The following RSPH6A variants were observed in gnomAD, a reference collection of about 807,000 sequenced individuals.
The protein encoded by RSPH6A is radial spoke head protein 6 homolog A.
RSPH6A carries 49 observed loss-of-function variants against 66.1 expected under a neutral mutation model. The observed-to-expected ratio is 0.74, with a 90% CI of 0.59 to 0.94. The LOEUF (loss-of-function observed/expected upper bound fraction) is 0.94, where lower values mean the gene tolerates loss of function less well. Among genes scored for constraint, RSPH6A ranks in the 40% least tolerant of loss-of-function variants. RSPH6A has a pLI of 0.00. For missense variants in RSPH6A, 977 were observed against 948.3 expected (o/e 1.03, Z -0.40); for synonymous variants, 419 against 402.4 (o/e 1.04, Z -0.49).
chr19:45,809,698 A>C (rs564176246), intron 2 of RSPH6A, among the ~76,000 whole-genome samples: 1 of 152,314 alleles, frequency 6.6e-6, no homozygotes, highest in South Asian at 2.1e-4. Flanking sequence ...TAAACAGGAG[A>C]GTCCTAGAGC....
chr19:45,809,003 C>CTTTT (rs35881550), intron 2 of RSPH6A, among the ~76,000 whole-genome samples: 5 of 120,134 alleles, frequency 4.2e-5, no homozygotes, highest in African/African-American at 6.5e-5. Flanking sequence ...TTGTTTTTTG[C>CTTTT]TTTTTTTTTT....
In RSPH6A at chr19:45,814,594, G is replaced by A. The variant is rs202165658; in HGVS notation, c.583C>T (p.Leu195=). 1.3e-5 allele frequency: 20 copies of A among 1,561,698 alleles called. No homozygotes were observed. The highest frequency in any genetic ancestry group is 1.6e-5 in the Non-Finnish European group (19 of 1,156,392). ...YSAQVPEPEP[L]ELAVQNAKAY... is the part of the protein sequence containing the mutation. Reference sequence around the variant, plus strand: ...TTGGCGTTCTGCACGGCCAGCTCCAGAGGCTCGGGCTCAGGCACCTGGGCA... The same window carrying A: ...TTGGCGTTCTGCACGGCCAGCTCCAAAGGCTCGGGCTCAGGCACCTGGGCA... The change falls in exon 1 of 6, where the codon CTG becomes TTG. Residue 195 remains leucine, a synonymous_variant. Transcript: ENST00000221538.
intron 5 of RSPH6A, 118 bp downstream of exon 5, chr19:45,800,328 G>T: frequency 1.2e-6 from 1 of 831,092 alleles, no homozygotes; most frequent in Non-Finnish European, 1.9e-6. Context: ...TTAGTCCTTG[G>T]GGCTTCCTGA....
chr19:45,814,634 G>A lies in RSPH6A; in HGVS notation c.543C>T (p.Gly181=), dbSNP rs762938042. ...GCACCTGGGCACTGTAGTGTGGGAA[G>A]CCCAGCTCAGAGGGCAAGAACTGAA... ...PALQFLPSEL[G]FPHYSAQVPE... is the part of the protein sequence containing the mutation. Residue 181 remains glycine, a synonymous_variant, in exon 1 of 6, where the codon GGC becomes GGT. Transcript: ENST00000221538. The A allele has an allele frequency of 2.5e-6, 4 of 1,605,126 alleles. No individual in the cohort carries two copies. The highest frequency in any genetic ancestry group is 1.1e-5 in the South Asian group (1 of 89,642).
Position 45,804,160 on chromosome 19 carries a change from G to T in RSPH6A, c.1653+92C>A. On this transcript the variant is annotated intron_variant, in intron 3 of 5. Coordinates refer to ENST00000221538, the MANE Select transcript of RSPH6A (RefSeq NM_030785.4). The surrounding 1 kb of genome is among the most constrained non-coding windows in gnomAD (Gnocchi z 5.8). Reference sequence around the variant, plus strand: ...TGAACGAATGAATATTAGTTGCCCAGCAGAGAGTAAGAGCTTGATGTCAGT... The same window carrying T: ...TGAACGAATGAATATTAGTTGCCCATCAGAGAGTAAGAGCTTGATGTCAGT... 1 of 996,864 alleles carries T rather than the reference G, an allele frequency of 1.0e-6. No homozygotes were observed. Among genetic ancestry groups the T allele is most frequent in the Non-Finnish European group, 1.5e-6 (1 of 676,084 alleles). The allele number at this position is 996,864 out of a possible 1,614,324, so 61.8% of individuals were successfully genotyped here. A position where few individuals can be genotyped will look rare whatever the true frequency, so the allele number is the denominator to read the frequency against.
At chr19:45,796,892 G>C (rs374268660) in intron 5 of RSPH6A, among the ~76,000 whole-genome samples, 1 of 152,070 alleles carries the variant, frequency 6.6e-6, no homozygotes, top group South Asian at 2.1e-4. Flanking sequence ...CAAGTGATCT[G>C]CCGCCTCCAC....
At chr19:45,799,315 G>A (rs2146281202) in intron 5 of RSPH6A, among the ~76,000 whole-genome samples, 1 of 152,320 alleles carries the variant, frequency 6.6e-6, no homozygotes, top group Middle Eastern at 3.4e-3. Flanking sequence ...AAGGACTGTG[G>A]GGAGTGTGTA....
rs780389711 is a variant in RSPH6A at position 45,815,063 on chromosome 19, C to T, written c.114G>A (p.Ala38=). The T allele has an allele frequency of 3.1e-6, 5 of 1,613,446 alleles. No individual in the cohort carries two copies. The African/African-American group carries it at 6.7e-5, about 22-fold the overall frequency. Residue 38 remains alanine, a synonymous_variant, in exon 1 of 6, where the codon GCG becomes GCA. Coordinates refer to ENST00000221538, the MANE Select transcript of RSPH6A (RefSeq NM_030785.4). The part of the protein sequence containing the change: ...HSRDQAQALA[A]DPEERQQIPP... ...GTATCTGCTGCCTCTCCTCGGGGTC[C>T]GCTGCCAGGGCCTGAGCTTGGTCCC...
Position 45,815,218 on chromosome 19 carries a change from G to A in RSPH6A, c.-42C>T. 6.6e-7 allele frequency: 1 copy of A among 1,515,336 alleles called. No homozygotes were observed. Among genetic ancestry groups the A allele is most frequent in the Non-Finnish European group, 8.8e-7 (1 of 1,136,666 alleles). 93.9% of individuals were successfully genotyped at this position (1,515,336 alleles called of 1,614,324 possible). On this transcript the variant is annotated 5_prime_UTR_variant, in exon 1 of 6. Coordinates refer to ENST00000221538, the MANE Select transcript of RSPH6A (RefSeq NM_030785.4). Reference sequence around the variant, plus strand: ...CAGATCTCTAGGAGAAAGGCTTGCAGACAAGGAGGCCAAGCGAGAGCCACC... The same window carrying A: ...CAGATCTCTAGGAGAAAGGCTTGCAAACAAGGAGGCCAAGCGAGAGCCACC...
chr19:45,807,970 C>T (rs1970568658), intron 2 of RSPH6A, among the ~76,000 whole-genome samples: 2 of 152,206 alleles, frequency 1.3e-5, no homozygotes, highest in African/African-American at 2.4e-5. Flanking sequence ...CTAGACTACA[C>T]CTGACGATTC....
At chr19:45,807,043 A>C (rs947108449) in intron 2 of RSPH6A, among the ~76,000 whole-genome samples, 3 of 150,950 alleles carry the variant, frequency 2.0e-5, no homozygotes, top group African/African-American at 7.3e-5. Context: ...ATAGGCGTGC[A>C]CCACCACACC....
intron 2 of RSPH6A, among the ~76,000 whole-genome samples, chr19:45,808,490 G>A (rs1970575678): frequency 6.6e-6 from 1 of 152,012 alleles, no homozygotes; most frequent in African/African-American, 2.4e-5. Context: ...CTACTCGGGA[G>A]GCTGAGGCAG....
chr19:45,797,597 C>T (rs1160865505), intron 5 of RSPH6A, among the ~76,000 whole-genome samples: 1 of 151,852 alleles, frequency 6.6e-6, no homozygotes, highest in Non-Finnish European at 1.5e-5. Flanking sequence ...AAACTCCCTG[C>T]CAGGTGCGGT....
At chr19:45,808,819 G>A (rs12460541) in intron 2 of RSPH6A, among the ~76,000 whole-genome samples, 48,906 of 149,694 alleles carry the variant, frequency 0.33, 8,447 homozygotes, top group East Asian at 0.54. Context: ...CCGCCACCAC[G>A]CCTGGCTAAT....
intron 1 of RSPH6A, among the ~76,000 whole-genome samples, chr19:45,813,618 A>T (rs547330002): frequency 8.5e-5 from 13 of 152,274 alleles, no homozygotes; most frequent in Non-Finnish European, 1.5e-4. Flanking sequence ...GTGCTGGGAT[A>T]ACAGGCGTGA....
chr19:45,795,713 T>C lies in RSPH6A; in HGVS notation c.*156A>G. 1.4e-6 allele frequency: 1 copy of C among 716,062 alleles called. No individual in the cohort carries two copies. Among genetic ancestry groups the C allele is most frequent in the Non-Finnish European group, 2.4e-6 (1 of 423,766 alleles). The allele number at this position is 716,062 out of a possible 1,614,324, so 44.4% of individuals were successfully genotyped here. On this transcript the variant is annotated 3_prime_UTR_variant, in exon 6 of 6. Transcript: ENST00000221538. The stretch of plus-strand genomic sequence containing the variant: ...AAATGAATGAATGGCTCATCCATAA[T>C]GCCGTGGAGGAATTTTATTTGAAGC...
chr19:45,795,819 G>A lies in RSPH6A; in HGVS notation c.*50C>T. 1 of 1,506,378 alleles carries A rather than the reference G, an allele frequency of 6.6e-7. No individual in the cohort carries two copies. The highest frequency in any genetic ancestry group is 9.0e-7 in the Non-Finnish European group (1 of 1,105,354). The allele number at this position is 1,506,378 out of a possible 1,614,324, so 93.3% of individuals were successfully genotyped here. A position where few individuals can be genotyped will look rare whatever the true frequency, so the allele number is the denominator to read the frequency against. On this transcript the variant is annotated 3_prime_UTR_variant, in exon 6 of 6. Coordinates refer to ENST00000221538, the MANE Select transcript of RSPH6A (RefSeq NM_030785.4). ...TATAATCCATGCTAACTACCTCTAA[G>A]GGGAAATTTGCTATCTACCTGCTTG...
intron 3 of RSPH6A, among the ~76,000 whole-genome samples, chr19:45,803,409 G>C (rs1160384802): frequency 6.6e-6 from 1 of 151,948 alleles, no homozygotes; most frequent in African/African-American, 2.4e-5. Flanking sequence ...GGGCATGGTG[G>C]CTCATGCCTG....
In RSPH6A at chr19:45,800,536, G is replaced by A; in HGVS notation, c.1826C>T (p.Thr609Ile). The change falls in exon 5 of 6, where the codon ACC becomes ATC. Residue 609 changes from threonine to isoleucine, a missense_variant. By Grantham distance (89) the Thr-to-Ile change is moderately conservative. Transcript: ENST00000221538. ...CGGGCAGAGGCTGCAGGACAGGCGG[G>A]TGGTCCAGGGTGCCAGGTGCATGAT... ...AEIMHLAPWT[T>I]RLSCSLCPQY... The A allele has an allele frequency of 1.2e-6, 2 of 1,612,768 alleles. No homozygotes were observed. Among genetic ancestry groups the A allele is most frequent in the East Asian group, 4.5e-5 (2 of 44,838 alleles).
Sources: gnomAD v4.1 joint callset for allele counts (sites outside exome capture counted in the v4.1 genomes callset) on GRCh38, gnomAD v4.1.1 for gene constraint, Gnocchi (gnomAD v3.1) non-coding constraint, MANE v1.5 for transcripts, NCBI Gene and HGNC (gene_info 2026-07-23, HGNC 2026-07-21) for gene names.